The following RSBN1 variants were observed in gnomAD, a reference collection of about 807,000 sequenced individuals.
RSBN1 encodes round spermatid basic protein 1.
A neutral mutation model predicts 74.8 loss-of-function variants in RSBN1; 23 were observed. The ratio of observed to expected loss-of-function variants is 0.31; its 90% confidence interval spans 0.22 to 0.44. The LOEUF is 0.44. Among genes scored for constraint, RSBN1 ranks in the 20% least tolerant of loss-of-function variants. RSBN1 has a pLI of 1.00. For synonymous variants in RSBN1, 407 were observed against 379.6 expected, an observed-to-expected ratio of 1.07 and a Z score of -0.84; for missense variants, 808 against 1,020.9, an observed-to-expected ratio of 0.79 and a Z score of 2.84.
intron 2 of RSBN1, among the ~76,000 whole-genome samples, chr1:113,789,362 T>A (rs1318152739): frequency 6.6e-6 from 1 of 152,190 alleles, no homozygotes; most frequent in Non-Finnish European, 1.5e-5. Context: ...ACCCCAACTC[T>A]ACGGGGAAAG....
At position 113,797,454 on chromosome 1, in the gene RSBN1, A is replaced by C; in HGVS notation, c.1286T>G (p.Phe429Cys). The C allele has an allele frequency of 6.2e-7, 1 of 1,614,078 alleles. No individual in the cohort carries two copies. Among genetic ancestry groups the C allele is most frequent in the Non-Finnish European group, 8.5e-7 (1 of 1,179,954 alleles). ...TGGAGTGTTGGGGAAATTAAAAGCA[A>C]AGTAGTCCAAGAAGTCTGGGAGATA... ...AAYLPDFLDY[F>C]AFNFPNTPVK... The change falls in exon 2 of 7, where the codon TTT becomes TGT. Residue 429 changes from phenylalanine (F) to cysteine (C), a missense_variant. By Grantham distance (205) the Phe-to-Cys change is radical. This residue lies in a region of RSBN1 where 112 missense variants were observed against 257.3 expected (regional missense o/e 0.44). Transcript: ENST00000261441.
At position 113,812,334 on chromosome 1, in the gene RSBN1, C is replaced by T. The variant is rs774449517; in HGVS notation, c.79G>A (p.Ala27Thr). 4 of 1,603,806 alleles carry T rather than the reference C, an allele frequency of 2.5e-6. No individual in the cohort carries two copies. The highest frequency in any genetic ancestry group is 2.5e-6 in the Non-Finnish European group (3 of 1,179,638). ...RLQCPAGSAR[A>T]ALARCADGGA... ...CCGTCCGCGCATCGCGCAAGCGCCG[C>T]CCGCGCACTGCCCGCTGGGCATTGG... Residue 27 changes from alanine (A) to threonine (T), a missense_variant, in exon 1 of 7, where the codon GCG becomes ACG. Ala to Thr is a moderately conservative substitution (Grantham distance 58, BLOSUM62 0). Transcript: ENST00000261441.
At chr1:113,803,715 T>C (rs1003313150) in intron 1 of RSBN1, among the ~76,000 whole-genome samples, 2 of 145,942 alleles carry the variant, frequency 1.4e-5, no homozygotes, top group African/African-American at 5.2e-5. Context: ...GCTGTACTGT[T>C]AGATAGACCT....
At chr1:113,798,069 T>G in intron 1 of RSBN1, 33 bp from the exon 2 acceptor site, 1 of 1,554,618 alleles carries the variant, frequency 6.4e-7, no homozygotes, top group Non-Finnish European at 8.7e-7. Flanking sequence ...AGTTAGTTGC[T>G]AGGACTAGTG....
chr1:113,793,021 GCCA>G (rs1660398495), intron 2 of RSBN1, among the ~76,000 whole-genome samples: 3 of 152,158 alleles, frequency 2.0e-5, no homozygotes, highest in Admixed American at 6.5e-5. Context: ...CCTAGCTTTA[GCCA>G]CCACAATAAT....
rs1660503440 is a variant in RSBN1 at position 113,797,844 on chromosome 1, T to C, written c.896A>G (p.Asn299Ser). Residue 299 changes from asparagine (N) to serine (S), a missense_variant, in exon 2 of 7, where the codon AAT becomes AGT. By Grantham distance (46) the Asn-to-Ser change is conservative. This residue lies in a region of RSBN1 where 85 missense variants were observed against 126.2 expected (regional missense o/e 0.67). Coordinates refer to ENST00000261441, the MANE Select transcript of RSBN1 (RefSeq NM_018364.5). ...CTCCTTATTAAGTCCTGAAGTGCTA[T>C]TTATTTGTCCTTGGGTGAGAATTTC... ...SKEILTQGQINSTSGLNKESF... is the reference protein window; with the variant it reads ...SKEILTQGQISSTSGLNKESF... 1.2e-6 allele frequency: 2 copies of C among 1,614,126 alleles called. No individual in the cohort carries two copies. Among genetic ancestry groups the C allele is most frequent in the Non-Finnish European group, 1.7e-6 (2 of 1,179,974 alleles).
chr1:113,802,345 G>A (rs961655658), intron 1 of RSBN1, among the ~76,000 whole-genome samples: 9 of 149,856 alleles, frequency 6.0e-5, no homozygotes, highest in East Asian at 1.9e-4. Flanking sequence ...TCTTCAGTTC[G>A]TAAAAATCAC....
intron 1 of RSBN1, among the ~76,000 whole-genome samples, chr1:113,801,742 A>G (rs1660588218): frequency 2.0e-5 from 3 of 152,208 alleles, no homozygotes; most frequent in African/African-American, 7.2e-5. Context: ...CAACTGTGTG[A>G]TTACATATAA....
intron 1 of RSBN1, among the ~76,000 whole-genome samples, chr1:113,807,485 C>A (rs1351441236): frequency 6.6e-6 from 1 of 151,852 alleles, no homozygotes; most frequent in Non-Finnish European, 1.5e-5. Context: ...AAGGGCCGGG[C>A]GCAGTGGCTC....
chr1:113,787,699 T>G (rs1660273032), intron 2 of RSBN1, among the ~76,000 whole-genome samples: 1 of 152,194 alleles, frequency 6.6e-6, no homozygotes, highest in African/African-American at 2.4e-5. Flanking sequence ...TTCCAAGAAT[T>G]CTAGCAGACA....
chr1:113,812,462 C>G lies in RSBN1; in HGVS notation c.-50G>C, dbSNP rs763674163. 6.6e-7 allele frequency: 1 copy of G among 1,516,010 alleles called. No individual in the cohort carries two copies. The highest frequency in any genetic ancestry group is 8.8e-7 in the Non-Finnish European group (1 of 1,137,812). 93.9% of individuals were successfully genotyped at this position (1,516,010 alleles called of 1,614,324 possible). On this transcript the variant is annotated 5_prime_UTR_variant, in exon 1 of 7. Coordinates refer to ENST00000261441, the MANE Select transcript of RSBN1 (RefSeq NM_018364.5). ...TTCTCCGCAGGCCTCTCCAACCGAG[C>G]TTCTATTGTAAAGCACCCTATGCCG...
rs1660087062 is a variant in RSBN1 at position 113,779,095 on chromosome 1, T to C, written c.1378-1287A>G. 3.3e-5 allele frequency among the ~76,000 whole-genome samples: 5 copies of C among 152,370 alleles called. No individual in the cohort carries two copies. The South Asian group carries it at 8.3e-4, about 25-fold the overall frequency. On this transcript the variant is annotated intron_variant, in intron 2 of 6. Coordinates refer to ENST00000261441, the MANE Select transcript of RSBN1 (RefSeq NM_018364.5). ...ACTTCAGATCAGTTACCTAGCATTT[T>C]CTACCTCTGTTAAAATGCAGATTAA...
rs1196141413 is a variant in RSBN1 at position 113,764,691 on chromosome 1, T to C, written c.*1289A>G. On this transcript the variant is annotated 3_prime_UTR_variant, in exon 7 of 7. Coordinates refer to ENST00000261441, the MANE Select transcript of RSBN1 (RefSeq NM_018364.5). Reference sequence around the variant, plus strand: ...CCAGGAAAAAAAAAAAATCTCCAAATTGCACTGTAACCAGGGAGATATAAG... The same window carrying C: ...CCAGGAAAAAAAAAAAATCTCCAAACTGCACTGTAACCAGGGAGATATAAG... 1 of 150,448 alleles carries C rather than the reference T, an allele frequency of 6.6e-6. No individual in the cohort carries two copies. Among genetic ancestry groups the C allele is most frequent in the African/African-American group, 2.5e-5 (1 of 40,646 alleles). The allele number at this position is 150,448 out of a possible 1,614,324, so 9.3% of individuals were successfully genotyped here.
chr1:113,786,824 A>G (rs1224277236), intron 2 of RSBN1, among the ~76,000 whole-genome samples: 1 of 152,106 alleles, frequency 6.6e-6, no homozygotes, highest in African/African-American at 2.4e-5. Flanking sequence ...AATACAAAAA[A>G]TTAGCCGGGC....
At chr1:113,789,915 A>C (rs1660332700) in intron 2 of RSBN1, among the ~76,000 whole-genome samples, 1 of 152,262 alleles carries the variant, frequency 6.6e-6, no homozygotes, top group Admixed American at 6.5e-5. Flanking sequence ...AATGTTGAAC[A>C]AAAATAACCT....
chr1:113,777,591 TA>T, intron 3 of RSBN1, 79 bp downstream of exon 3: 1 of 1,323,352 alleles, frequency 7.6e-7, no homozygotes, highest in Non-Finnish European at 1.0e-6. Flanking sequence ...CAATAGGCAA[TA>T]TTAGCTAAAT....
intron 2 of RSBN1, among the ~76,000 whole-genome samples, chr1:113,792,732 C>T (rs887391157): frequency 3.2e-4 from 49 of 152,088 alleles, no homozygotes; most frequent in African/African-American, 1.1e-3. Flanking sequence ...AGTTCAAGGC[C>T]TCAGTGAGCC....
At position 113,810,949 on chromosome 1, in the gene RSBN1, A is replaced by G. The variant is rs541095036; in HGVS notation, c.703+761T>C. Among the ~76,000 whole-genome samples the G allele has an allele frequency of 5.8e-4, 89 of 152,288 alleles. 1 individual carries two copies. Among genetic ancestry groups the G allele is most frequent in the African/African-American group, 1.9e-3 (77 of 41,574 alleles). ...TCCACATTTAATTGGATACTCTGAC[A>G]TTTTCTAGTAAAATATTCTTGAGGG... is the stretch of plus-strand genomic sequence containing the variant. On this transcript the variant is annotated intron_variant, in intron 1 of 6. Transcript: ENST00000261441.
rs145604399 is a variant in RSBN1 at position 113,809,594 on chromosome 1, T to C, written c.703+2116A>G. The stretch of plus-strand genomic sequence containing the variant: ...ATGTAGAAGGCTACAGTACACAGTT[T>C]TTCTCAAATGTATTTGACCAAAAAA... On this transcript the variant is annotated intron_variant, in intron 1 of 6. Transcript: ENST00000261441. 2.4e-4 allele frequency among the ~76,000 whole-genome samples: 36 copies of C among 152,358 alleles called. 1 individual carries two copies. The East Asian group carries it at 6.5e-3, about 28-fold the overall frequency.
Sources: gnomAD v4.1 joint callset for allele counts (sites outside exome capture counted in the v4.1 genomes callset) on GRCh38, gnomAD v4.1.1 for gene constraint, gnomAD v4.1.1 regional missense constraint, MANE v1.5 for transcripts, NCBI Gene and HGNC (gene_info 2026-07-23, HGNC 2026-07-21) for gene names.